PSTPIP1: variants seen among roughly 807,000 people sequenced by gnomAD.
The protein encoded by PSTPIP1 is proline-serine-threonine phosphatase-interacting protein 1.
PSTPIP1 carries 66 observed loss-of-function variants against 69.6 expected under a neutral mutation model. The ratio of observed to expected loss-of-function variants is 0.95; its 90% confidence interval spans 0.78 to 1.16. The LOEUF (loss-of-function observed/expected upper bound fraction) is 1.16. Ranked by LOEUF, PSTPIP1 falls within the 50% of genes most tolerant of loss-of-function variation. PSTPIP1 has a pLI of 0.00. For missense variants in PSTPIP1, 603 were observed against 557.4 expected, an observed-to-expected ratio of 1.08 and a Z score of -0.82; for synonymous variants, 266 against 222.7, an observed-to-expected ratio of 1.19 and a Z score of -1.73.
chr15:77,004,192 T>C (rs910574531), intron 1 of PSTPIP1, among the ~76,000 whole-genome samples: 1 of 152,224 alleles, frequency 6.6e-6, no homozygotes, highest in African/African-American at 2.4e-5. Context: ...GGGCTGGGCC[T>C]GGATGCCACC....
rs1244856082 is a variant in PSTPIP1, at chr15:77,037,461, A to ATAGTT, written c.*286_*290dup. 4 of 325,604 alleles carry ATAGTT rather than the reference A, an allele frequency of 1.2e-5. No individual in the cohort carries two copies. Among genetic ancestry groups the ATAGTT allele is most frequent in the Non-Finnish European group, 2.4e-5 (4 of 169,896 alleles). The allele number at this position is 325,604 out of a possible 1,614,324, so 20.2% of individuals were successfully genotyped here. On this transcript the variant is annotated 3_prime_UTR_variant, in exon 15 of 15. Coordinates refer to ENST00000558012, the MANE Select transcript of PSTPIP1 (RefSeq NM_003978.5). ...CCCCAACTCAGCCGAGGCTTCAGCT[A>ATAGTT]TAGTTGGAGAAGAGGCCTGGCCCCA...
chr15:77,027,971 G>A lies in PSTPIP1; in HGVS notation c.417+57G>A, dbSNP rs1358792543. On this transcript the variant is annotated intron_variant, in intron 6 of 14. Coordinates refer to ENST00000558012, the MANE Select transcript of PSTPIP1 (RefSeq NM_003978.5). The surrounding 1 kb of genome is among the most constrained non-coding windows in gnomAD (Gnocchi z 4.3). ...CCTCGAGGAGCAGCGCAGGTCTCAGGGTGCGATCCTGGGCTGTGGCCCCGG... is the reference window on the plus strand; with the variant it reads ...CCTCGAGGAGCAGCGCAGGTCTCAGAGTGCGATCCTGGGCTGTGGCCCCGG... The A allele has an allele frequency of 1.4e-6, 2 of 1,446,988 alleles. No individual in the cohort carries two copies. The highest frequency in any genetic ancestry group is 2.5e-5 in the East Asian group (1 of 40,360). The allele number at this position is 1,446,988 out of a possible 1,614,324, so 89.6% of individuals were successfully genotyped here. A position where few individuals can be genotyped will look rare whatever the true frequency, so the allele number is the denominator to read the frequency against.
Position 77,010,072 on chromosome 15 carries a change from C to T in PSTPIP1, c.37-8076C>T, listed in dbSNP as rs138895822. Among the ~76,000 whole-genome samples, 438 of 152,282 alleles carry T rather than the reference C, an allele frequency of 2.9e-3. 1 individual carries two copies. Among genetic ancestry groups the T allele is most frequent in the Non-Finnish European group, 3.8e-3 (256 of 68,014 alleles). ...CCAGGGCTTGGGGTCTGGGGTGGCT[C>T]AGCTCCATCCTCCCCTGCATCAGTC... is the stretch of plus-strand genomic sequence containing the variant. On this transcript the variant is annotated intron_variant, in intron 1 of 14. Transcript: ENST00000558012.
chr15:77,020,632 A>T (rs535299704), intron 3 of PSTPIP1, among the ~76,000 whole-genome samples: 69 of 152,302 alleles, frequency 4.5e-4, no homozygotes, highest in Non-Finnish European at 6.0e-4. Context: ...GGGCTTTGCC[A>T]TTCCTTAGCC....
At position 77,036,404 on chromosome 15, in the gene PSTPIP1, G is replaced by C. The variant is rs1027019386; in HGVS notation, c.1119+469G>C. ...TTCGTGGCCATGGGTGTGGAAAACT[G>C]TGGCCAGAATGAGTCTTGCTATCGT... On this transcript the variant is annotated intron_variant, in intron 14 of 14. Coordinates refer to ENST00000558012, the MANE Select transcript of PSTPIP1 (RefSeq NM_003978.5). Among the ~76,000 whole-genome samples, 78 of 152,188 alleles carry C rather than the reference G, an allele frequency of 5.1e-4. 3 individuals are homozygous for C. Among genetic ancestry groups the C allele is most frequent in the Non-Finnish European group, 1.5e-5 (1 of 68,038 alleles).
intron 10 of PSTPIP1, among the ~76,000 whole-genome samples, 178 bp from the exon 11 acceptor site, chr15:77,032,120 A>T (rs1050557388): frequency 3.3e-5 from 5 of 152,186 alleles, no homozygotes; most frequent in African/African-American, 9.7e-5. Flanking sequence ...TGCACACAGA[A>T]GGTGTTCAGG....
Position 77,018,442 on chromosome 15 carries a change from C to T in PSTPIP1, c.138-15C>T. On this transcript the variant is annotated splice_polypyrimidine_tract_variant and intron_variant, in intron 2 of 14. Transcript: ENST00000558012. ...CAAGTCACTGATGATCTTTCAAATG[C>T]CCTTTTTTTTGCAGGGCCCAGGCGG... The T allele has an allele frequency of 6.4e-7, 1 of 1,567,796 alleles. No individual in the cohort carries two copies. The highest frequency in any genetic ancestry group is 8.7e-7 in the Non-Finnish European group (1 of 1,155,992).
chr15:77,037,276 C>A lies in PSTPIP1; in HGVS notation c.*100C>A. Reference sequence around the variant, plus strand: ...CTAGGGCCCAGAACCAAGCGTCCCCCAGCCCCGAGAGGGAGCCTGTCGTCT... The same window carrying A: ...CTAGGGCCCAGAACCAAGCGTCCCCAAGCCCCGAGAGGGAGCCTGTCGTCT... On this transcript the variant is annotated 3_prime_UTR_variant, in exon 15 of 15. Coordinates refer to ENST00000558012, the MANE Select transcript of PSTPIP1 (RefSeq NM_003978.5). 6.9e-7 allele frequency: 1 copy of A among 1,450,778 alleles called. No homozygotes were observed. Among genetic ancestry groups the A allele is most frequent in the Non-Finnish European group, 9.2e-7 (1 of 1,082,038 alleles). The allele number at this position is 1,450,778 out of a possible 1,614,324, so 89.9% of individuals were successfully genotyped here.
chr15:76,996,660 T>C (rs1184587211), intron 1 of PSTPIP1, among the ~76,000 whole-genome samples: 1 of 152,164 alleles, frequency 6.6e-6, no homozygotes, highest in East Asian at 1.9e-4. Context: ...AGCGTGTGAG[T>C]GTTCTGCTTC....
chr15:77,012,169 CCACCCACCCATT>C (rs2075954635), intron 1 of PSTPIP1, among the ~76,000 whole-genome samples: 1 of 132,886 alleles, frequency 7.5e-6, no homozygotes, highest in African/African-American at 2.8e-5. Flanking sequence ...ACCCACCCAC[CCACCCACCCATT>C]CACCCATCCA....
At chr15:77,018,078 G>C in intron 1 of PSTPIP1, 70 bp from the exon 2 acceptor site, 1 of 1,450,050 alleles carries the variant, frequency 6.9e-7, no homozygotes, top group African/African-American at 1.4e-5. Context: ...ATGGTGGGAG[G>C]GTCCCCACAG....
chr15:77,003,956 T>C (rs1296310181), intron 1 of PSTPIP1, among the ~76,000 whole-genome samples: 1 of 152,208 alleles, frequency 6.6e-6, no homozygotes, highest in Non-Finnish European at 1.5e-5. Flanking sequence ...ACATAGATCT[T>C]GCTGTTTCAG....
rs548506694 is a variant in PSTPIP1 at position 77,002,312 on chromosome 15, T to C, written c.36+6703T>C. Among the ~76,000 whole-genome samples, 31 of 152,344 alleles carry C rather than the reference T, an allele frequency of 2.0e-4. No individual in the cohort carries two copies. The South Asian group carries it at 6.4e-3, about 32-fold the overall frequency. On this transcript the variant is annotated intron_variant, in intron 1 of 14. Transcript: ENST00000558012. ...TAGAGAGTTTGTTCTTGCTTCTACT[T>C]TAATTTGTGTAGGATGAAAGGATGC... is the stretch of plus-strand genomic sequence containing the variant.
At chr15:77,034,930 T>G (rs1396961562) in intron 12 of PSTPIP1, among the ~76,000 whole-genome samples, 1 of 152,252 alleles carries the variant, frequency 6.6e-6, no homozygotes, top group Non-Finnish European at 1.5e-5. Context: ...AGCCCAGCGC[T>G]GTCCCGGAAC....
At chr15:77,020,017 G>A (rs1256435708) in intron 3 of PSTPIP1, among the ~76,000 whole-genome samples, 1 of 152,162 alleles carries the variant, frequency 6.6e-6, no homozygotes, top group Non-Finnish European at 1.5e-5. Flanking sequence ...GGAGAGGGTG[G>A]CCCCAGCAGG....
chr15:77,010,210 C>T (rs927116749), intron 1 of PSTPIP1, among the ~76,000 whole-genome samples: 22 of 152,210 alleles, frequency 1.4e-4, no homozygotes, highest in Admixed American at 4.6e-4. Flanking sequence ...TTGGCAGGGG[C>T]GGTACAGAGC....
Position 77,032,864 on chromosome 15 carries a change from C to T in PSTPIP1, c.841C>T (p.Pro281Ser). ...AKSTGTEPPA[P>S]VPYQNYYDRE... Reference sequence around the variant, plus strand: ...GGCTCACGGCTTGCTGTCTGCAGCTCCGGTGCCCTACCAGAACTATTACGA... The same window carrying T: ...GGCTCACGGCTTGCTGTCTGCAGCTTCGGTGCCCTACCAGAACTATTACGA... The change falls in exon 12 of 15, where the codon CCG becomes TCG. Residue 281 changes from proline (P) to serine (S), a missense_variant and splice_region_variant. Pro to Ser is a moderately conservative substitution (Grantham distance 74, BLOSUM62 -1). Coordinates refer to ENST00000558012, the MANE Select transcript of PSTPIP1 (RefSeq NM_003978.5). 1 of 1,578,802 alleles carries T rather than the reference C, an allele frequency of 6.3e-7. No homozygotes were observed. The highest frequency in any genetic ancestry group is 2.3e-5 in the East Asian group (1 of 43,036).
At chr15:77,019,777 A>G (rs2076126043) in intron 3 of PSTPIP1, among the ~76,000 whole-genome samples, 1 of 152,164 alleles carries the variant, frequency 6.6e-6, no homozygotes, top group Non-Finnish European at 1.5e-5. Flanking sequence ...GGCACAGAGG[A>G]GGGCTCAGGA....
Position 77,037,458 on chromosome 15 carries a change from G to C in PSTPIP1, c.*282G>C. 3.0e-6 allele frequency: 1 copy of C among 329,108 alleles called. No homozygotes were observed. The highest frequency in any genetic ancestry group is 5.8e-6 in the Non-Finnish European group (1 of 172,290). 20.4% of individuals were successfully genotyped at this position (329,108 alleles called of 1,614,324 possible). ...GCTCCCCAACTCAGCCGAGGCTTCAGCTATAGTTGGAGAAGAGGCCTGGCC... is the reference window on the plus strand; with the variant it reads ...GCTCCCCAACTCAGCCGAGGCTTCACCTATAGTTGGAGAAGAGGCCTGGCC... On this transcript the variant is annotated 3_prime_UTR_variant, in exon 15 of 15. Coordinates refer to ENST00000558012, the MANE Select transcript of PSTPIP1 (RefSeq NM_003978.5).
Sources: gnomAD v4.1 joint callset for allele counts (sites outside exome capture counted in the v4.1 genomes callset) on GRCh38, gnomAD v4.1.1 for gene constraint, Gnocchi (gnomAD v3.1) non-coding constraint, MANE v1.5 for transcripts, NCBI Gene and HGNC (gene_info 2026-07-23, HGNC 2026-07-21) for gene names.